Variants in SEC23IP observed in about 807,000 individuals in gnomAD.
SEC23IP encodes the protein SEC23-interacting protein.
In SEC23IP, 70 loss-of-function variants were observed where a neutral mutation model predicts 113.4. The ratio of observed to expected loss-of-function variants is 0.62; its 90% CI spans 0.51 to 0.75. SEC23IP has a LOEUF of 0.75. Among genes scored for constraint, SEC23IP ranks in the 30% least tolerant of loss-of-function variants. SEC23IP has a pLI of 0.00. For missense variants in SEC23IP, 1,160 were observed against 1,204.9 expected (o/e 0.96, Z 0.55); for synonymous variants, 398 against 421.0 (o/e 0.95, Z 0.67).
intron 2 of SEC23IP, among the ~76,000 whole-genome samples, chr10:119,901,018 T>A (rs942741488): frequency 2.2e-5 from 3 of 135,824 alleles, no homozygotes; most frequent in Non-Finnish European, 4.7e-5. Flanking sequence ...TTTCTTTTTC[T>A]TCTTCTTTTT....
intron 13 of SEC23IP, among the ~76,000 whole-genome samples, chr10:119,928,006 A>C (rs914043570): frequency 2.6e-5 from 4 of 152,216 alleles, no homozygotes; most frequent in African/African-American, 9.6e-5. Flanking sequence ...TTCCTTTAAA[A>C]ATATGTAGTA....
At chr10:119,895,504 A>ACG (rs1441760838) in intron 1 of SEC23IP, among the ~76,000 whole-genome samples, 1 of 152,198 alleles carries the variant, frequency 6.6e-6, no homozygotes, top group Admixed American at 6.5e-5. Flanking sequence ...ATACACACAC[A>ACG]CCCACCTGTG....
chr10:119,911,009 A>G (rs1854842298), intron 5 of SEC23IP, among the ~76,000 whole-genome samples: 1 of 146,876 alleles, frequency 6.8e-6, no homozygotes, highest in African/African-American at 2.5e-5. Flanking sequence ...TTAGATAAAC[A>G]TTTTGCATAC....
intron 2 of SEC23IP, among the ~76,000 whole-genome samples, chr10:119,901,818 C>T (rs1472544334): frequency 6.6e-6 from 1 of 152,092 alleles, no homozygotes; most frequent in Admixed American, 6.5e-5. Flanking sequence ...TCCCAAGTAG[C>T]TGGGATTGCA....
intron 1 of SEC23IP, among the ~76,000 whole-genome samples, chr10:119,897,536 A>C (rs1319657856): frequency 6.6e-6 from 1 of 152,216 alleles, no homozygotes; most frequent in Non-Finnish European, 1.5e-5. Context: ...TACAAATACC[A>C]CGTGTTCATT....
intron 2 of SEC23IP, among the ~76,000 whole-genome samples, chr10:119,901,679 C>G (rs908831806): frequency 1.3e-5 from 2 of 152,042 alleles, no homozygotes; most frequent in Non-Finnish European, 2.9e-5. Context: ...TTGGGGATAA[C>G]TTTTTATTTT....
chr10:119,929,751 A>ATTT lies in SEC23IP; in HGVS notation c.2459_2461dup (p.Ile820_Tyr821insPhe). The ATTT allele has an allele frequency of 1.3e-6, 2 of 1,586,058 alleles. No homozygotes were observed. Among genetic ancestry groups the ATTT allele is most frequent in the Non-Finnish European group, 1.7e-6 (2 of 1,159,630 alleles). On this transcript the variant is annotated inframe_insertion, in exon 14 of 19. Transcript: ENST00000369075. Reference sequence around the variant, plus strand: ...TCCTACCTGTAAAGGGTTCTTCAATATTTATCATCCGGTGAGTAATTGAAT... The same window carrying ATTT: ...TCCTACCTGTAAAGGGTTCTTCAATATTTTTTATCATCCGGTGAGTAATTGAAT...
At chr10:119,903,969 C>A in intron 3 of SEC23IP, 115 bp from the exon 4 acceptor site, 3 of 1,085,522 alleles carry the variant, frequency 2.8e-6, no homozygotes. Context: ...ATCCACCTCT[C>A]TCGGCCTCCC....
intron 12 of SEC23IP, among the ~76,000 whole-genome samples, 168 bp downstream of exon 12, chr10:119,921,152 T>G (rs1855239494): frequency 6.6e-6 from 1 of 152,204 alleles, no homozygotes; most frequent in Non-Finnish European, 1.5e-5. Flanking sequence ...AGAGTTGGGC[T>G]TAAGTCCACA....
Position 119,926,221 on chromosome 10 carries a change from C to T in SEC23IP, c.2307C>T (p.Ala769=), listed in dbSNP as rs138676528. 1.0e-4 allele frequency: 165 copies of T among 1,613,726 alleles called. No homozygotes were observed. Among genetic ancestry groups the T allele is most frequent in the Middle Eastern group, 1.7e-4 (1 of 6,052 alleles). ...ATTATGAATCTTTTGAAGTTGGCGC[C>T]GGACAGGTGAGTTTACATATTGACT... ...CVNYESFEVG[A]GQVSVAYNSL... The change falls in exon 13 of 19, where the codon GCC becomes GCT. Residue 769 remains alanine, a synonymous_variant. Coordinates refer to ENST00000369075, the MANE Select transcript of SEC23IP (RefSeq NM_007190.4).
chr10:119,893,514 C>CTTTTTT (rs60552712), intron 1 of SEC23IP, among the ~76,000 whole-genome samples: 57 of 85,368 alleles, frequency 6.7e-4, no homozygotes, highest in East Asian at 1.0e-3. Context: ...CATTCCTTAT[C>CTTTTTT]TTTTTTTTTT....
At chr10:119,936,551 A>G (rs1855791172) in intron 18 of SEC23IP, among the ~76,000 whole-genome samples, 1 of 151,170 alleles carries the variant, frequency 6.6e-6, no homozygotes, top group South Asian at 2.1e-4. Context: ...CTCAAAAAAA[A>G]AAAAAAAAAA....
chr10:119,899,200 C>T (rs984788839), intron 2 of SEC23IP, among the ~76,000 whole-genome samples: 8 of 152,120 alleles, frequency 5.3e-5, no homozygotes, highest in East Asian at 1.9e-4. Flanking sequence ...GAGTTAGCTA[C>T]GTGTCAGTAT....
At chr10:119,922,950 C>T (rs1249568638) in intron 12 of SEC23IP, among the ~76,000 whole-genome samples, 1 of 151,328 alleles carries the variant, frequency 6.6e-6, no homozygotes, top group Admixed American at 6.6e-5. Flanking sequence ...GCTGCGTGCT[C>T]CATACAGAAA....
intron 5 of SEC23IP, among the ~76,000 whole-genome samples, chr10:119,910,479 T>G (rs930096113): frequency 6.6e-6 from 1 of 152,190 alleles, no homozygotes; most frequent in Non-Finnish European, 1.5e-5. Context: ...AACATAGGCT[T>G]TTTATTTATT....
chr10:119,918,092 A>G (rs45590041), intron 9 of SEC23IP, 48 bp downstream of exon 9: 169,225 of 1,465,380 alleles, frequency 0.12, 10,568 homozygotes, highest in South Asian at 0.18. Context: ...TTGTTGAGTC[A>G]TAACTGCTTT....
chr10:119,898,188 G>A (rs1177658625), intron 1 of SEC23IP: 1 of 585,666 alleles, frequency 1.7e-6, no homozygotes, highest in African/African-American at 1.9e-5. Context: ...TGGCAGGTGG[G>A]CTTATGAATG....
At chr10:119,904,960 C>T (rs1263549580) in intron 4 of SEC23IP, among the ~76,000 whole-genome samples, 1 of 152,024 alleles carries the variant, frequency 6.6e-6, no homozygotes, top group Non-Finnish European at 1.5e-5. Flanking sequence ...ATGGCGAAAC[C>T]ATGTCTCTAC....
chr10:119,915,702 C>T, intron 7 of SEC23IP, 46 bp from the exon 8 acceptor site: 1 of 1,407,440 alleles, frequency 7.1e-7, no homozygotes, highest in African/African-American at 1.5e-5. Flanking sequence ...AGCTATCAAG[C>T]TAGGAGAATT....
Sources: gnomAD v4.1 joint callset for allele counts (sites outside exome capture counted in the v4.1 genomes callset) on GRCh38, gnomAD v4.1.1 for gene constraint, MANE v1.5 for transcripts, NCBI Gene and HGNC (gene_info 2026-07-23, HGNC 2026-07-21) for gene names.